MYOF: variants seen among roughly 807,000 people sequenced by gnomAD.
The protein encoded by MYOF is myoferlin.
Under a neutral mutation model 284.2 loss-of-function variants are expected in MYOF, and 244 were observed. The observed-to-expected ratio is 0.86, with a 90% CI of 0.77 to 0.95. MYOF has a LOEUF of 0.95. Among genes scored for constraint, MYOF ranks in the 40% least tolerant of loss-of-function variants. The pLI, the probability that MYOF is intolerant of heterozygous loss-of-function variation, is 0.00. For synonymous variants in MYOF, 904 were observed against 919.7 expected (o/e 0.98, Z 0.31); for missense variants, 2,496 against 2,560.6 (o/e 0.97, Z 0.54).
At chr10:93,453,056 A>G (rs142089388) in intron 2 of MYOF, among the ~76,000 whole-genome samples, 3 of 152,276 alleles carry the variant, frequency 2.0e-5, no homozygotes, top group Non-Finnish European at 4.4e-5. Flanking sequence ...CTTGGAATGG[A>G]AGGAAAACTT....
rs553458578 is a variant in MYOF at position 93,466,177 on chromosome 10, G to A, written c.89-9240C>T. 7.9e-5 allele frequency among the ~76,000 whole-genome samples: 12 copies of A among 152,294 alleles called. No homozygotes were observed. The South Asian group carries it at 2.5e-3, about 32-fold the overall frequency. On this transcript the variant is annotated intron_variant, in intron 1 of 53. Transcript: ENST00000359263. ...AGCACAGGGACACAGGGCCCATCAG[G>A]TGGACCCCTCTCCAGGAGTGTCTCT...
At chr10:93,404,641 C>CAAAA (rs34398757) in intron 7 of MYOF, among the ~76,000 whole-genome samples, 2 of 60,894 alleles carry the variant, frequency 3.3e-5, no homozygotes, top group Admixed American at 1.8e-4. Flanking sequence ...GAGGCCATCT[C>CAAAA]AAAAAAAAAA....
intron 7 of MYOF, among the ~76,000 whole-genome samples, chr10:93,408,246 CAATTTT>C (rs1847711785): frequency 6.6e-6 from 1 of 151,898 alleles, no homozygotes; most frequent in African/African-American, 2.4e-5. Flanking sequence ...CCCAAGTGAA[CAATTTT>C]ATTTAAATAA....
intron 20 of MYOF, 124 bp from the exon 21 acceptor site, chr10:93,380,111 C>T: frequency 8.1e-7 from 1 of 1,228,794 alleles, no homozygotes; most frequent in Non-Finnish European, 1.1e-6. Context: ...TTGAGGTGGT[C>T]TGGTTCTTTA....
intron 5 of MYOF, among the ~76,000 whole-genome samples, chr10:93,420,882 C>A (rs1488915693): frequency 6.6e-6 from 1 of 152,190 alleles, no homozygotes; most frequent in Non-Finnish European, 1.5e-5. Context: ...GCAGACATTA[C>A]TTTTACATAG....
intron 2 of MYOF, among the ~76,000 whole-genome samples, chr10:93,453,546 G>A (rs1444893953): frequency 6.6e-6 from 1 of 152,108 alleles, no homozygotes; most frequent in Non-Finnish European, 1.5e-5. Context: ...TGATCTACCC[G>A]TCTTGGCCTC....
chr10:93,419,489 T>G (rs7084462), intron 5 of MYOF, among the ~76,000 whole-genome samples: 16,189 of 152,164 alleles, frequency 0.11, 876 homozygotes, highest in African/African-American at 0.12. Flanking sequence ...AAAAAAAAAT[T>G]TTTAAACCAT....
intron 5 of MYOF, among the ~76,000 whole-genome samples, chr10:93,414,504 A>G (rs1052405216): frequency 6.6e-6 from 1 of 152,228 alleles, no homozygotes; most frequent in East Asian, 1.9e-4. Context: ...ATGCCCCTGC[A>G]CTCCAGCCTG....
chr10:93,392,291 C>T (rs2134046399), intron 17 of MYOF, among the ~76,000 whole-genome samples: 1 of 151,938 alleles, frequency 6.6e-6, no homozygotes, highest in African/African-American at 2.4e-5. Context: ...ATTATTATGG[C>T]AGGGCGAATC....
chr10:93,410,814 A>G (rs1847871202), intron 5 of MYOF, among the ~76,000 whole-genome samples: 1 of 152,346 alleles, frequency 6.6e-6, no homozygotes, highest in African/African-American at 2.4e-5. Context: ...AAAGAGATTT[A>G]ATTTCCAAGG....
chr10:93,416,034 C>T (rs943022304), intron 5 of MYOF, among the ~76,000 whole-genome samples: 1 of 152,192 alleles, frequency 6.6e-6, no homozygotes. Flanking sequence ...ACCAAAACTG[C>T]TCTTGTCTAG....
At chr10:93,320,147 G>A (rs1484110266) in intron 48 of MYOF, 134 bp from the exon 49 acceptor site, 13 of 1,036,172 alleles carry the variant, frequency 1.3e-5, no homozygotes, top group African/African-American at 4.8e-5. Context: ...AGTTATCTTC[G>A]GAGCTGGGGG....
rs534369519 is a variant in MYOF at position 93,405,391 on chromosome 10, A to T, written c.730-1172T>A. Among the ~76,000 whole-genome samples, 532 of 152,366 alleles carry T rather than the reference A, an allele frequency of 3.5e-3. 3 individuals are homozygous for T. The highest frequency in any genetic ancestry group is 0.012 in the African/African-American group (516 of 41,586). On this transcript the variant is annotated intron_variant, in intron 7 of 53. Transcript: ENST00000359263. ...TCGTTTTTGAGTCTCTTCAGCTTCCAAAAGGAAGCTATATAAAAATATAGA... is the reference window on the plus strand; with the variant it reads ...TCGTTTTTGAGTCTCTTCAGCTTCCTAAAGGAAGCTATATAAAAATATAGA...
intron 38 of MYOF, 30 bp downstream of exon 38, chr10:93,343,826 C>T (rs768019243): frequency 6.2e-7 from 1 of 1,608,876 alleles, no homozygotes; most frequent in East Asian, 2.2e-5. Context: ...ATAAAACTGA[C>T]AGCATCCACT....
At chr10:93,326,156 G>A (rs1346496913) in intron 45 of MYOF, among the ~76,000 whole-genome samples, 191 bp from the exon 46 acceptor site, 1 of 152,188 alleles carries the variant, frequency 6.6e-6, no homozygotes, top group Non-Finnish European at 1.5e-5. Context: ...TCCCAACCAG[G>A]CTCAAGCCTA....
intron 50 of MYOF, among the ~76,000 whole-genome samples, chr10:93,315,094 A>G (rs929398618): frequency 5.3e-5 from 8 of 152,198 alleles, no homozygotes; most frequent in African/African-American, 1.4e-4. Flanking sequence ...CCTAGAATTT[A>G]CTATCCATAT....
chr10:93,399,333 AG>A (rs1847167052), intron 13 of MYOF, 58 bp downstream of exon 13: 2 of 1,310,876 alleles, frequency 1.5e-6, no homozygotes. Flanking sequence ...CTCCAAGGAA[AG>A]CACAGTAGTT....
At chr10:93,313,950 T>C (rs181307841) in intron 50 of MYOF, among the ~76,000 whole-genome samples, 118 of 152,244 alleles carry the variant, frequency 7.8e-4, no homozygotes, top group African/African-American at 2.6e-3. Flanking sequence ...GAAATGTGCA[T>C]GTCCAAGACT....
intron 15 of MYOF, 32 bp from the exon 16 acceptor site, chr10:93,396,256 A>G: frequency 6.7e-7 from 1 of 1,487,074 alleles, no homozygotes; most frequent in Non-Finnish European, 9.1e-7. Context: ...AAAAATAAAA[A>G]ATAAAAGGTT....
Sources: gnomAD v4.1 joint callset for allele counts (sites outside exome capture counted in the v4.1 genomes callset) on GRCh38, gnomAD v4.1.1 for gene constraint, MANE v1.5 for transcripts, NCBI Gene and HGNC (gene_info 2026-07-23, HGNC 2026-07-21) for gene names.